The following ATRN variants were observed in gnomAD, a reference collection of about 807,000 sequenced individuals.
The protein encoded by ATRN is attractin, also known as attractin-2.
Under a neutral mutation model 178.7 loss-of-function variants are expected in ATRN, and 54 were observed. The ratio of observed to expected loss-of-function variants is 0.30; its 90% CI spans 0.24 to 0.38. The LOEUF (loss-of-function observed/expected upper bound fraction) is 0.38. ATRN is among the 10% of genes least tolerant of loss of function. The probability of loss-of-function intolerance (pLI) is 1.00; values close to 1 mark genes in which losing one functional copy is unlikely to be tolerated. For missense variants in ATRN, 1,443 were observed against 1,815.1 expected, an observed-to-expected ratio of 0.79 and a Z score of 3.73; for synonymous variants, 636 against 663.0, an observed-to-expected ratio of 0.96 and a Z score of 0.63.
intron 1 of ATRN, among the ~76,000 whole-genome samples, chr20:3,521,899 A>C (rs2085301403): frequency 6.6e-6 from 1 of 151,868 alleles, no homozygotes; most frequent in Non-Finnish European, 1.5e-5. Context: ...CTCTCACCTC[A>C]GCCTCCTGAG....
At chr20:3,547,257 A>G (rs759262534) in intron 4 of ATRN, 27 bp from the exon 5 acceptor site, 2 of 1,554,946 alleles carry the variant, frequency 1.3e-6, no homozygotes, top group South Asian at 1.1e-5. Flanking sequence ...CGTTGTGTTA[A>G]TGTAATTTTC....
intron 24 of ATRN, among the ~76,000 whole-genome samples, chr20:3,620,071 C>T (rs187083012): frequency 2.0e-5 from 3 of 152,202 alleles, no homozygotes; most frequent in Non-Finnish European, 4.4e-5. Context: ...CTTCCTCTAC[C>T]CTTATCCTTC....
At chr20:3,610,601 CTCACTTTGTCGCCCAG>C (rs1403791589) in intron 24 of ATRN, among the ~76,000 whole-genome samples, 1 of 124,840 alleles carries the variant, frequency 8.0e-6, no homozygotes, top group Non-Finnish European at 1.6e-5. Flanking sequence ...GAGACAGGGT[CTCACTTTGTCGCCCAG>C]GCCAAAGTGT....
chr20:3,597,688 A>G (rs2086550285), intron 21 of ATRN, among the ~76,000 whole-genome samples: 1 of 152,206 alleles, frequency 6.6e-6, no homozygotes, highest in South Asian at 2.1e-4. Flanking sequence ...TTATGCTGAA[A>G]CTGGACAACT....
rs558759893 is a variant in ATRN, at chr20:3,554,580, C to T, written c.1113-4813C>T. Among the ~76,000 whole-genome samples the T allele has an allele frequency of 5.0e-3, 759 of 151,966 alleles. 3 individuals carry two copies. The highest frequency in any genetic ancestry group is 8.8e-3 in the Non-Finnish European group (601 of 67,956). ...CGATCTCCTGACCTCGTGATCTGCC[C>T]GCCTCGGCCTCCCAAAGTGCTGGGA... On this transcript the variant is annotated intron_variant, in intron 6 of 28. Transcript: ENST00000262919.
intron 25 of ATRN, among the ~76,000 whole-genome samples, chr20:3,633,450 C>T (rs1241123446): frequency 6.6e-6 from 1 of 152,214 alleles, no homozygotes; most frequent in East Asian, 1.9e-4. Flanking sequence ...TGACCCCATC[C>T]TACAAACGCA....
intron 1 of ATRN, among the ~76,000 whole-genome samples, chr20:3,500,488 A>G (rs543993584): frequency 1.3e-5 from 2 of 151,810 alleles, no homozygotes; most frequent in South Asian, 4.2e-4. Context: ...CATATACACC[A>G]TGGAATACTA....
In ATRN at chr20:3,646,238, T is replaced by C. The variant is rs376587008; in HGVS notation, c.4166-485T>C. ...CGTGGTATGGAATGGAAGTGACTAA[T>C]GCTGACTGAGTGATAGGGGTGAATC... On this transcript the variant is annotated intron_variant, in intron 28 of 28. Coordinates refer to ENST00000262919, the MANE Select transcript of ATRN (RefSeq NM_139321.3). 1.6e-3 allele frequency among the ~76,000 whole-genome samples: 246 copies of C among 152,296 alleles called. 2 individuals are homozygous for C. Among genetic ancestry groups the C allele is most frequent in the South Asian group, 0.014 (67 of 4,820 alleles).
chr20:3,646,827 C>T lies in ATRN; in HGVS notation c.4270C>T (p.Gln1424Ter). ...VRNRKQQPPA[Q>*]PGTCI The stretch of plus-strand genomic sequence containing the variant: ...AAACCGGAAGCAGCAGCCCCCTGCA[C>T]AGCCTGGGACCTGCATCTGATGCTG... Residue 1424 changes from glutamine (Q) to a stop codon, truncating the protein, a stop_gained, in exon 29 of 29, where the codon CAG becomes TAG. Coordinates refer to ENST00000262919, the MANE Select transcript of ATRN (RefSeq NM_139321.3). LOFTEE classifies it high-confidence loss of function. 6.2e-7 allele frequency: 1 copy of T among 1,613,102 alleles called. No individual in the cohort carries two copies. Among genetic ancestry groups the T allele is most frequent in the Non-Finnish European group, 8.5e-7 (1 of 1,179,702 alleles).
At chr20:3,592,481 T>A in intron 19 of ATRN, 1 of 984,898 alleles carries the variant, frequency 1.0e-6, no homozygotes, top group Non-Finnish European at 1.2e-6. Flanking sequence ...ATAGGACATT[T>A]TATTATGAGA....
At chr20:3,488,294 G>A (rs575777206) in intron 1 of ATRN, among the ~76,000 whole-genome samples, 18 of 152,040 alleles carry the variant, frequency 1.2e-4, no homozygotes, top group African/African-American at 4.1e-4. Flanking sequence ...ATATTCTTCT[G>A]TATTGTCTTC....
intron 28 of ATRN, among the ~76,000 whole-genome samples, chr20:3,646,418 A>C (rs1458583158): frequency 1.3e-5 from 2 of 152,174 alleles, no homozygotes; most frequent in Non-Finnish European, 2.9e-5. Flanking sequence ...AGCAAACTGC[A>C]CCTTTTGTGT....
Position 3,563,228 on chromosome 20 carries a change from C to T in ATRN, c.1651C>T (p.Arg551Ter). The T allele has an allele frequency of 6.2e-7, 1 of 1,612,638 alleles. No individual in the cohort carries two copies. The highest frequency in any genetic ancestry group is 8.5e-7 in the Non-Finnish European group (1 of 1,179,224). ...CAAAAGGACCATTCTTAAGGACAGC[C>T]GATTTTTCCGTTACTTGCACACAGC... ...TQMWTILKDS[R>*]FFRYLHTAVI... The change falls in exon 10 of 29, where the codon CGA becomes TGA. Residue 551 changes from arginine (R) to a stop codon, truncating the protein, a stop_gained. Transcript: ENST00000262919. LOFTEE classifies it high-confidence loss of function.
At chr20:3,611,587 C>G (rs2086767111) in intron 24 of ATRN, among the ~76,000 whole-genome samples, 1 of 152,036 alleles carries the variant, frequency 6.6e-6, no homozygotes, top group South Asian at 2.1e-4. Flanking sequence ...ACTAAAAATA[C>G]AAAAATTAGC....
At chr20:3,517,355 CA>C (rs2085219954) in intron 1 of ATRN, among the ~76,000 whole-genome samples, 1 of 151,902 alleles carries the variant, frequency 6.6e-6, no homozygotes, top group Non-Finnish European at 1.5e-5. Flanking sequence ...AGCCATACAC[CA>C]AAGTGCATAT....
At chr20:3,625,382 C>G (rs928979618) in intron 25 of ATRN, among the ~76,000 whole-genome samples, 1 of 152,100 alleles carries the variant, frequency 6.6e-6, no homozygotes, top group African/African-American at 2.4e-5. Context: ...TATGTTATGG[C>G]CATAAAACTC....
intron 10 of ATRN, 142 bp from the exon 11 acceptor site, chr20:3,565,206 C>A: frequency 1.6e-6 from 1 of 642,246 alleles, no homozygotes; most frequent in Non-Finnish European, 2.7e-6. Flanking sequence ...CATTTTAACC[C>A]AGAAATGATG....
At chr20:3,634,226 T>C in intron 25 of ATRN, 85 bp from the exon 26 acceptor site, 1 of 1,302,554 alleles carries the variant, frequency 7.7e-7, no homozygotes, top group Non-Finnish European at 1.1e-6. Flanking sequence ...GGGAGCTGTT[T>C]TCACTGCCTG....
At chr20:3,565,963 C>G (rs1354885248) in intron 11 of ATRN, among the ~76,000 whole-genome samples, 2 of 151,854 alleles carry the variant, frequency 1.3e-5, no homozygotes, top group Admixed American at 1.3e-4. Flanking sequence ...CTTTGAATGC[C>G]ATGTTTATTG....
Sources: allele counts gnomAD v4.1 joint callset (sites outside exome capture counted in the v4.1 genomes callset), GRCh38; gene constraint gnomAD v4.1.1; transcripts MANE v1.5; gene names NCBI Gene and HGNC (gene_info 2026-07-23, HGNC 2026-07-21).